The following ZFPM2 variants were observed in gnomAD, a reference collection of about 807,000 sequenced individuals.
ZFPM2 encodes the protein zinc finger protein ZFPM2.
A neutral mutation model predicts 98.6 loss-of-function variants in ZFPM2; 20 were observed. The ratio of observed to expected loss-of-function variants is 0.20; its 90% CI spans 0.14 to 0.29. ZFPM2 has a LOEUF of 0.29. ZFPM2 is among the 10% of genes least tolerant of loss of function. ZFPM2 has a pLI of 1.00. For missense variants in ZFPM2, 1,310 were observed against 1,388.6 expected (o/e 0.94, Z 0.90); for synonymous variants, 518 against 502.7 (o/e 1.03, Z -0.41).
At chr8:105,392,293 G>T (rs1280504487) in intron 1 of ZFPM2, among the ~76,000 whole-genome samples, 1 of 152,064 alleles carries the variant, frequency 6.6e-6, no homozygotes, top group African/African-American at 2.4e-5. Flanking sequence ...TAACAAAATG[G>T]AATTAAAGTC....
chr8:105,381,424 G>T (rs1477649299), intron 1 of ZFPM2, among the ~76,000 whole-genome samples: 2 of 151,978 alleles, frequency 1.3e-5, no homozygotes, highest in African/African-American at 4.8e-5. Context: ...CCCAATCAGA[G>T]AATTTGAGTA....
chr8:105,803,829 A>G lies in ZFPM2; in HGVS notation c.*291A>G. On this transcript the variant is annotated 3_prime_UTR_variant, in exon 8 of 8. Transcript: ENST00000407775. The stretch of plus-strand genomic sequence containing the variant: ...TCATTTGTAATGTTATTGTATAGTT[A>G]TTGTGTAGCACATATGGTTTGCACT... The G allele has an allele frequency of 2.9e-6, 1 of 348,312 alleles. No homozygotes were observed. The highest frequency in any genetic ancestry group is 6.1e-5 in the East Asian group (1 of 16,452). The allele number at this position is 348,312 out of a possible 1,614,324, so 21.6% of individuals were successfully genotyped here. A position where few individuals can be genotyped will look rare whatever the true frequency, so the allele number is the denominator to read the frequency against.
At position 105,715,704 on chromosome 8, in the gene ZFPM2, C is replaced by G. The variant is rs2130986147; in HGVS notation, c.533-73014C>G. 2.6e-5 allele frequency among the ~76,000 whole-genome samples: 4 copies of G among 152,062 alleles called. 1 individual carries two copies. In the Middle Eastern group the frequency reaches 0.01, roughly 391 times the overall value. The stretch of plus-strand genomic sequence containing the variant: ...AAAGTATAGCCAGTGAATGCTAGAG[C>G]TCCAAATCCAACCTATATGTGACTG... On this transcript the variant is annotated intron_variant, in intron 5 of 7. Coordinates refer to ENST00000407775, the MANE Select transcript of ZFPM2 (RefSeq NM_012082.4).
At chr8:105,612,103 T>C (rs1816319436) in intron 4 of ZFPM2, among the ~76,000 whole-genome samples, 1 of 152,186 alleles carries the variant, frequency 6.6e-6, no homozygotes, top group Admixed American at 6.5e-5. Flanking sequence ...ATTTGTAATA[T>C]TGAGTCTATG....
chr8:105,796,930 T>A (rs1051239492), intron 6 of ZFPM2: 1 of 152,226 alleles, frequency 6.6e-6, no homozygotes, highest in Non-Finnish European at 1.5e-5. Context: ...ACCCTGTACA[T>A]GCCCTAGCCT....
intron 3 of ZFPM2, among the ~76,000 whole-genome samples, chr8:105,531,410 T>C (rs572927575): frequency 6.6e-6 from 1 of 152,224 alleles, no homozygotes; most frequent in African/African-American, 2.4e-5. Context: ...GATGTGTCAT[T>C]CCAATTTTTG....
chr8:105,441,413 AC>A (rs1208367311), intron 2 of ZFPM2, among the ~76,000 whole-genome samples: 1 of 142,184 alleles, frequency 7.0e-6, no homozygotes, highest in Admixed American at 7.2e-5. Context: ...CTCTGTCTCA[AC>A]AAAAAAAAAG....
chr8:105,749,232 T>C (rs1812419501), intron 5 of ZFPM2, among the ~76,000 whole-genome samples: 1 of 151,928 alleles, frequency 6.6e-6, no homozygotes, highest in African/African-American at 2.4e-5. Context: ...AATATAAACA[T>C]GTAAAAAGAA....
At chr8:105,690,046 A>G (rs1050200783) in intron 5 of ZFPM2, among the ~76,000 whole-genome samples, 15 of 152,332 alleles carry the variant, frequency 9.8e-5, no homozygotes, top group Non-Finnish European at 1.9e-4. Context: ...CCATCTCTGT[A>G]TCCTGCACAC....
intron 5 of ZFPM2, among the ~76,000 whole-genome samples, chr8:105,719,386 GT>G (rs1811601359): frequency 6.6e-6 from 1 of 151,884 alleles, no homozygotes; most frequent in South Asian, 2.1e-4. Context: ...TACAACCACA[GT>G]TTGGTGCTGA....
At chr8:105,689,552 C>T (rs1810826878) in intron 5 of ZFPM2, among the ~76,000 whole-genome samples, 1 of 151,934 alleles carries the variant, frequency 6.6e-6, no homozygotes, top group African/African-American at 2.4e-5. Flanking sequence ...CATAGAAAAA[C>T]TTTTTTTGGC....
intron 4 of ZFPM2, among the ~76,000 whole-genome samples, chr8:105,628,968 A>C (rs1816709176): frequency 6.6e-6 from 1 of 152,194 alleles, no homozygotes; most frequent in Admixed American, 6.5e-5. Flanking sequence ...AGCAGAGCTA[A>C]AATAGCACTG....
At chr8:105,512,912 T>A (rs557605324) in intron 3 of ZFPM2, among the ~76,000 whole-genome samples, 5 of 152,196 alleles carry the variant, frequency 3.3e-5, no homozygotes, top group African/African-American at 1.2e-4. Flanking sequence ...GTTTCAAAAT[T>A]TTTCTTTTTT....
At chr8:105,380,607 ATATATATAT>A (rs1810830024) in intron 1 of ZFPM2, among the ~76,000 whole-genome samples, 1 of 71,350 alleles carries the variant, frequency 1.4e-5, no homozygotes, top group South Asian at 3.9e-4. Context: ...TATATTATAT[ATATATATAT>A]TATATATAAC....
chr8:105,745,525 G>C (rs1812323251), intron 5 of ZFPM2, among the ~76,000 whole-genome samples: 1 of 152,110 alleles, frequency 6.6e-6, no homozygotes, highest in Admixed American at 6.6e-5. Flanking sequence ...GATCACTTCA[G>C]AGCTGTGCTT....
At chr8:105,616,509 C>A (rs1816417489) in intron 4 of ZFPM2, among the ~76,000 whole-genome samples, 1 of 152,026 alleles carries the variant, frequency 6.6e-6, no homozygotes, top group Admixed American at 6.6e-5. Context: ...AGGCATAGGT[C>A]TTTTCACAGA....
At chr8:105,466,931 C>T (rs1812806736) in intron 3 of ZFPM2, among the ~76,000 whole-genome samples, 2 of 152,146 alleles carry the variant, frequency 1.3e-5, no homozygotes, top group East Asian at 3.9e-4. Context: ...AGTCCTGTTT[C>T]AACATTTGAT....
intron 5 of ZFPM2, among the ~76,000 whole-genome samples, chr8:105,747,298 A>G (rs1316221373): frequency 6.6e-6 from 1 of 152,060 alleles, no homozygotes; most frequent in Non-Finnish European, 1.5e-5. Context: ...CAAATTTCCA[A>G]GTCAGTTAAC....
intron 3 of ZFPM2, among the ~76,000 whole-genome samples, chr8:105,475,342 C>T (rs747432142): frequency 1.3e-5 from 2 of 152,204 alleles, no homozygotes; most frequent in African/African-American, 2.4e-5. Flanking sequence ...TTTGAAGTTA[C>T]GTTTGACCTA....
Sources: allele counts gnomAD v4.1 joint callset (sites outside exome capture counted in the v4.1 genomes callset), GRCh38; gene constraint gnomAD v4.1.1; transcripts MANE v1.5; gene names NCBI Gene and HGNC (gene_info 2026-07-23, HGNC 2026-07-21).